The following KSR2 variants were observed in gnomAD, a reference collection of about 807,000 sequenced individuals.
KSR2 encodes the protein kinase suppressor of ras 2.
KSR2 carries 25 observed loss-of-function variants against 107.8 expected under a neutral mutation model. That is an observed-to-expected ratio of 0.23 (90% CI 0.17 to 0.32). The LOEUF is 0.32. KSR2 is among the 10% of genes least tolerant of loss of function. The probability of loss-of-function intolerance (pLI) is 1.00; values close to 1 mark genes in which losing one functional copy is unlikely to be tolerated. For synonymous variants in KSR2, 480 were observed against 507.0 expected, an observed-to-expected ratio of 0.95 and a Z score of 0.71; for missense variants, 887 against 1,268.9, an observed-to-expected ratio of 0.70 and a Z score of 4.57.
intron 2 of KSR2, among the ~76,000 whole-genome samples, chr12:117,859,889 G>A (rs920000236): frequency 5.3e-5 from 8 of 152,282 alleles, no homozygotes; most frequent in African/African-American, 1.9e-4. Flanking sequence ...TGGCAGCCAC[G>A]GGCCCCATTA....
At chr12:117,605,720 A>G (rs1189181135) in intron 5 of KSR2, among the ~76,000 whole-genome samples, 2 of 152,176 alleles carry the variant, frequency 1.3e-5, no homozygotes, top group African/African-American at 4.8e-5. Context: ...CATGGAATCA[A>G]CCCAAATGCC....
chr12:117,900,379 T>G (rs1894645416), intron 1 of KSR2, among the ~76,000 whole-genome samples: 1 of 152,160 alleles, frequency 6.6e-6, no homozygotes, highest in Non-Finnish European at 1.5e-5. Flanking sequence ...GAAACCTTGA[T>G]AGCAGCTAAA....
At chr12:117,558,668 T>G (rs1877880246) in intron 7 of KSR2, 95 bp from the exon 8 acceptor site, 2 of 826,838 alleles carry the variant, frequency 2.4e-6, no homozygotes, top group African/African-American at 1.7e-5. Flanking sequence ...GGTGGATGGG[T>G]GGATGAATGG....
At chr12:117,660,443 T>C (rs1302729573) in intron 5 of KSR2, among the ~76,000 whole-genome samples, 1 of 152,176 alleles carries the variant, frequency 6.6e-6, no homozygotes, top group Non-Finnish European at 1.5e-5. Flanking sequence ...TGTAGACTCA[T>C]CAGTCCAATC....
chr12:117,597,886 T>C (rs1880734319), intron 5 of KSR2, among the ~76,000 whole-genome samples: 1 of 152,206 alleles, frequency 6.6e-6, no homozygotes, highest in African/African-American at 2.4e-5. Context: ...TCCAGGATCC[T>C]CACAGCAACC....
rs1031852610 is a variant in KSR2, at chr12:117,466,506, CAA to C, written c.*691_*692del. 2 of 152,218 alleles carry C rather than the reference CAA, an allele frequency of 1.3e-5. No homozygotes were observed. The highest frequency in any genetic ancestry group is 1.5e-5 in the Non-Finnish European group (1 of 68,064). 9.4% of individuals were successfully genotyped at this position (152,218 alleles called of 1,614,324 possible). On this transcript the variant is annotated 3_prime_UTR_variant, in exon 20 of 20. Transcript: ENST00000339824. Reference sequence around the variant, plus strand: ...AGGTCCCCCAGAGAGACCCAGAACTCAAAAGACGTTCTAACTTTCCTACTGTA... The same window carrying C: ...AGGTCCCCCAGAGAGACCCAGAACTCAAGACGTTCTAACTTTCCTACTGTA...
At chr12:117,486,007 A>G (rs1224890321) in intron 14 of KSR2, among the ~76,000 whole-genome samples, 1 of 152,198 alleles carries the variant, frequency 6.6e-6, no homozygotes, top group African/African-American at 2.4e-5. Flanking sequence ...CAGCACATAA[A>G]TCAAAAACTT....
chr12:117,853,899 A>T (rs1893007204), intron 3 of KSR2, among the ~76,000 whole-genome samples: 1 of 152,086 alleles, frequency 6.6e-6, no homozygotes, highest in African/African-American at 2.4e-5. Context: ...ATGTGTCATG[A>T]CTTTGAGTTG....
intron 3 of KSR2, among the ~76,000 whole-genome samples, chr12:117,773,241 T>A (rs7972142): frequency 1.3e-5 from 2 of 151,952 alleles, no homozygotes. Flanking sequence ...TCTTGTCATC[T>A]GTTTCTGGCA....
intron 7 of KSR2, among the ~76,000 whole-genome samples, chr12:117,577,369 G>A (rs575238706): frequency 9.7e-6 from 1 of 103,506 alleles, no homozygotes; most frequent in Non-Finnish European, 1.8e-5. Flanking sequence ...GAGAGAGAGG[G>A]GGGGAGAGAT....
chr12:117,758,706 G>C (rs995982016), intron 4 of KSR2, among the ~76,000 whole-genome samples: 1 of 152,154 alleles, frequency 6.6e-6, no homozygotes, highest in African/African-American at 2.4e-5. Context: ...AATCCTTCAG[G>C]GGTCTAGGGA....
chr12:117,577,319 G>T (rs889039518), intron 7 of KSR2, among the ~76,000 whole-genome samples: 8 of 151,632 alleles, frequency 5.3e-5, no homozygotes, highest in Non-Finnish European at 1.2e-4. Context: ...TTATAGTATT[G>T]GACCTGAAGG....
chr12:117,672,164 T>C (rs7304362), intron 4 of KSR2, among the ~76,000 whole-genome samples: 1,926 of 152,044 alleles, frequency 0.013, 44 homozygotes, highest in African/African-American at 0.041. Flanking sequence ...GGGGGAGGGG[T>C]GCCATTTCAT....
At chr12:117,902,105 C>A (rs1360443040) in intron 1 of KSR2, among the ~76,000 whole-genome samples, 2 of 152,168 alleles carry the variant, frequency 1.3e-5, no homozygotes, top group Non-Finnish European at 2.9e-5. Context: ...TGATTTCGAA[C>A]TCAGTTTAAA....
intron 7 of KSR2, among the ~76,000 whole-genome samples, chr12:117,566,822 AG>A (rs1368153137): frequency 6.6e-6 from 1 of 152,254 alleles, no homozygotes; most frequent in Non-Finnish European, 1.5e-5. Flanking sequence ...TTACTGTCCA[AG>A]AATGTAAACC....
chr12:117,682,709 C>A (rs575470633), intron 4 of KSR2, among the ~76,000 whole-genome samples: 1 of 152,132 alleles, frequency 6.6e-6, no homozygotes, highest in African/African-American at 2.4e-5. Flanking sequence ...TGAGCCACCG[C>A]GCCTGGCTGT....
chr12:117,472,978 AT>A (rs1015607805), intron 17 of KSR2, among the ~76,000 whole-genome samples: 10 of 152,146 alleles, frequency 6.6e-5, no homozygotes, highest in Non-Finnish European at 1.5e-4. Context: ...TAATCAGATA[AT>A]CCAGAACTCA....
chr12:117,492,284 T>C (rs74551582), intron 14 of KSR2, among the ~76,000 whole-genome samples: 15,700 of 152,236 alleles, frequency 0.1, 1,450 homozygotes, highest in African/African-American at 0.25. Context: ...TGAGATAAAA[T>C]CATCTAGAAG....
intron 3 of KSR2, among the ~76,000 whole-genome samples, chr12:117,800,412 A>G (rs61937751): frequency 0.01 from 1,567 of 152,178 alleles, 20 homozygotes; most frequent in Non-Finnish European, 0.016. Flanking sequence ...TCCAAGAGTC[A>G]CAGAGGCCTG....
Sources: allele counts gnomAD v4.1 joint callset (sites outside exome capture counted in the v4.1 genomes callset), GRCh38; gene constraint gnomAD v4.1.1; transcripts MANE v1.5; gene names NCBI Gene and HGNC (gene_info 2026-07-23, HGNC 2026-07-21).